GMEB2: variants seen among roughly 807,000 people sequenced by gnomAD.
GMEB2 encodes the protein glucocorticoid modulatory element binding protein 2.
A neutral mutation model predicts 45.7 loss-of-function variants in GMEB2; 7 were observed. The ratio of observed to expected loss-of-function variants is 0.15; its 90% CI spans 0.09 to 0.29. The LOEUF (loss-of-function observed/expected upper bound fraction) is 0.29. Ranked by LOEUF, GMEB2 falls within the 10% of genes least tolerant of loss-of-function variation. The pLI, the probability that GMEB2 is intolerant of heterozygous loss-of-function variation, is 1.00. For synonymous variants in GMEB2, 322 were observed against 323.6 expected (o/e 1.00, Z 0.05); for missense variants, 582 against 739.2 (o/e 0.79, Z 2.47).
chr20:63,621,136 G>C (rs555435381), intron 1 of GMEB2, among the ~76,000 whole-genome samples: 1 of 152,324 alleles, frequency 6.6e-6, no homozygotes, highest in Admixed American at 6.5e-5. Flanking sequence ...GATTGAGGCT[G>C]CAATGAGCTG....
intron 1 of GMEB2, among the ~76,000 whole-genome samples, chr20:63,621,994 G>T (rs555634020): frequency 6.6e-6 from 1 of 151,930 alleles, no homozygotes; most frequent in South Asian, 2.1e-4. Context: ...AGGCATGGTG[G>T]TGTGCACGCC....
At chr20:63,606,974 T>C (rs1435941368) in intron 2 of GMEB2, among the ~76,000 whole-genome samples, 2 of 151,830 alleles carry the variant, frequency 1.3e-5, no homozygotes, top group Non-Finnish European at 2.9e-5. Context: ...TCCAATGGAG[T>C]CGTTGGTGAG....
In GMEB2 at chr20:63,619,054, G is replaced by C. The variant is rs1601033802; in HGVS notation, c.131+213C>G. On this transcript the variant is annotated intron_variant, in intron 2 of 9. Coordinates refer to ENST00000370077, the MANE Select transcript of GMEB2 (RefSeq NM_012384.5). The surrounding 1 kb of genome is among the most constrained non-coding windows in gnomAD (Gnocchi z 4.6). ...GCCACGTGGCCATGCAGGTACGGGA[G>C]GCCTCCCCGCAGCTGCAGCTGGGTC... Among the ~76,000 whole-genome samples, 1 of 152,304 alleles carries C rather than the reference G, an allele frequency of 6.6e-6. No individual in the cohort carries two copies. The highest frequency in any genetic ancestry group is 6.5e-5 in the Admixed American group (1 of 15,296).
intron 2 of GMEB2, 31 bp from the exon 3 acceptor site, chr20:63,604,871 T>G: frequency 7.6e-7 from 1 of 1,307,590 alleles, no homozygotes; most frequent in Non-Finnish European, 1.1e-6. Flanking sequence ...GAGAATAGAA[T>G]CAGGATCCCG....
chr20:63,588,468 G>T lies in GMEB2; in HGVS notation c.*1621C>A. Reference sequence around the variant, plus strand: ...AGAGTGGAAATGAGTTTAAAACGGAGTATGTACATCAAAAGATCAACATCA... The same window carrying T: ...AGAGTGGAAATGAGTTTAAAACGGATTATGTACATCAAAAGATCAACATCA... On this transcript the variant is annotated 3_prime_UTR_variant, in exon 10 of 10. Transcript: ENST00000370077. The T allele has an allele frequency of 3.1e-6, 1 of 319,870 alleles. No homozygotes were observed. The highest frequency in any genetic ancestry group is 5.7e-6 in the Non-Finnish European group (1 of 176,018). The allele number at this position is 319,870 out of a possible 1,614,324, so 19.8% of individuals were successfully genotyped here.
chr20:63,603,114 G>C (rs777526471), intron 3 of GMEB2, 22 bp from the exon 4 acceptor site: 9 of 1,613,148 alleles, frequency 5.6e-6, no homozygotes, highest in South Asian at 1.1e-5. Flanking sequence ...CACATTGACA[G>C]GGAAGGGTAA....
Position 63,590,474 on chromosome 20 carries a change from G to T in GMEB2, c.1208C>A (p.Ser403Tyr). 6.6e-7 allele frequency: 1 copy of T among 1,509,112 alleles called. No homozygotes were observed. The highest frequency in any genetic ancestry group is 2.2e-5 in the Admixed American group (1 of 45,686). The allele number at this position is 1,509,112 out of a possible 1,614,324, so 93.5% of individuals were successfully genotyped here. The change falls in exon 10 of 10, where the codon TCC becomes TAC. Residue 403 changes from serine to tyrosine, a missense_variant. Transcript: ENST00000370077. ...GCCCAGGACGGTGGACGGCAGGGTG[G>T]ACACCACTTTACCAAGGGGCACGCT... ...LTSVPLGKVV[S>Y]TLPSTVLGKG...
intron 1 of GMEB2, among the ~76,000 whole-genome samples, chr20:63,626,625 G>C (rs1601041055): frequency 6.6e-6 from 1 of 151,198 alleles, no homozygotes; most frequent in South Asian, 2.1e-4. Context: ...GGGTGCCTGC[G>C]GGGTGGTCCC....
intron 3 of GMEB2, among the ~76,000 whole-genome samples, chr20:63,604,067 A>AC (rs34362256): frequency 0.49 from 70,943 of 145,544 alleles, 18,634 homozygotes; most frequent in Middle Eastern, 0.65. Flanking sequence ...AAAAAAAAAA[A>AC]AAACAGAATT....
rs116502593 is a variant in GMEB2, at chr20:63,617,573, G to A, written c.131+1694C>T. ...TCAGGATACTGAAGGTCCCAACCCG[G>A]TGCTGGACCAGACCACCCCGGCAGC... is the stretch of plus-strand genomic sequence containing the variant. On this transcript the variant is annotated intron_variant, in intron 2 of 9. Coordinates refer to ENST00000370077, the MANE Select transcript of GMEB2 (RefSeq NM_012384.5). Among the ~76,000 whole-genome samples, 1,009 of 151,368 alleles carry A rather than the reference G, an allele frequency of 6.7e-3. 20 individuals are homozygous for A. The highest frequency in any genetic ancestry group is 0.024 in the African/African-American group (968 of 40,664).
intron 2 of GMEB2, among the ~76,000 whole-genome samples, chr20:63,615,741 T>C (rs1370527902): frequency 2.0e-5 from 3 of 152,180 alleles, no homozygotes; most frequent in Non-Finnish European, 4.4e-5. Context: ...GTGTGTACAG[T>C]GGGGTCTCAT....
At chr20:63,603,777 G>A (rs907555480) in intron 3 of GMEB2, among the ~76,000 whole-genome samples, 1 of 152,020 alleles carries the variant, frequency 6.6e-6, no homozygotes, top group Admixed American at 6.6e-5. Flanking sequence ...ACTGGGCCAG[G>A]CGAGGTGGCT....
At chr20:63,620,276 A>G (rs914563) in intron 1 of GMEB2, among the ~76,000 whole-genome samples, 132,753 of 152,256 alleles carry the variant, frequency 0.87, 59,049 homozygotes, top group Non-Finnish European at 0.97. Flanking sequence ...GCTAAAACCC[A>G]GTGATAATGG....
At chr20:63,620,549 G>A (rs966243971) in intron 1 of GMEB2, among the ~76,000 whole-genome samples, 1 of 152,214 alleles carries the variant, frequency 6.6e-6, no homozygotes, top group Non-Finnish European at 1.5e-5. Context: ...CAGTCTCTAC[G>A]TGGTCCTGAC....
At chr20:63,624,186 G>A (rs1431337962) in intron 1 of GMEB2, among the ~76,000 whole-genome samples, 1 of 151,806 alleles carries the variant, frequency 6.6e-6, no homozygotes, top group Non-Finnish European at 1.5e-5. Context: ...GAAGGCCGAG[G>A]CGGGTGGATC....
At chr20:63,594,852 G>A (rs978368686) in intron 6 of GMEB2, among the ~76,000 whole-genome samples, 2 of 152,126 alleles carry the variant, frequency 1.3e-5, no homozygotes, top group African/African-American at 2.4e-5. Context: ...GGGTTCAAGC[G>A]ATTCTCCTGC....
At chr20:63,598,272 G>A (rs1025540170) in intron 4 of GMEB2, among the ~76,000 whole-genome samples, 12 of 151,978 alleles carry the variant, frequency 7.9e-5, no homozygotes, top group African/African-American at 2.7e-4. Flanking sequence ...AGCTGTGAAC[G>A]CCACCTTCCT....
intron 1 of GMEB2, among the ~76,000 whole-genome samples, chr20:63,624,783 A>G (rs1373980345): frequency 2.0e-5 from 3 of 151,990 alleles, no homozygotes; most frequent in African/African-American, 7.2e-5. Flanking sequence ...TCTCGGCTCA[A>G]TGCAAGCTCT....
At chr20:63,625,588 A>G (rs1012920372) in intron 1 of GMEB2, among the ~76,000 whole-genome samples, 1 of 151,380 alleles carries the variant, frequency 6.6e-6, no homozygotes, top group African/African-American at 2.4e-5. Flanking sequence ...AGATATGAGA[A>G]AATATTTTAT....
Sources: allele counts gnomAD v4.1 joint callset (sites outside exome capture counted in the v4.1 genomes callset), GRCh38; gene constraint gnomAD v4.1.1; non-coding constraint Gnocchi (gnomAD v3.1); transcripts MANE v1.5; gene names NCBI Gene and HGNC (gene_info 2026-07-23, HGNC 2026-07-21).